Variants in MAN1C1 observed in about 807,000 individuals in gnomAD.
The protein encoded by MAN1C1 is mannosidase alpha class 1C member 1.
MAN1C1 carries 49 observed loss-of-function variants against 71.5 expected under a neutral mutation model. The observed-to-expected ratio is 0.69, with a 90% CI of 0.54 to 0.87. The LOEUF (loss-of-function observed/expected upper bound fraction) is 0.87. Ranked by LOEUF, MAN1C1 falls within the 40% of genes least tolerant of loss-of-function variation. The pLI is 0.00. For synonymous variants in MAN1C1, 352 were observed against 343.7 expected (o/e 1.02, Z -0.27); for missense variants, 743 against 835.0 (o/e 0.89, Z 1.36).
At chr1:25,658,375 T>C (rs2045798276) in intron 1 of MAN1C1, among the ~76,000 whole-genome samples, 1 of 152,154 alleles carries the variant, frequency 6.6e-6, no homozygotes, top group South Asian at 2.1e-4. Context: ...GGGAGGGGAC[T>C]CGAGGCTTCA....
chr1:25,647,029 A>G (rs74062322), intron 1 of MAN1C1, among the ~76,000 whole-genome samples: 13,230 of 152,156 alleles, frequency 0.087, 1,264 homozygotes, highest in East Asian at 0.22. Context: ...TACACTCTCA[A>G]TAGCAGTGTA....
At chr1:25,702,093 ATTAG>A (rs1381783296) in intron 2 of MAN1C1, among the ~76,000 whole-genome samples, 1 of 152,166 alleles carries the variant, frequency 6.6e-6, no homozygotes, top group Non-Finnish European at 1.5e-5. Context: ...GTAAAGCCAA[ATTAG>A]TTAGTTACAT....
At position 25,617,777 on chromosome 1, in the gene MAN1C1, G is replaced by A. The variant is rs762238419; in HGVS notation, c.-21G>A. ...ACGTGCCTGGACTCCGAGGGCTTCT[G>A]GAGCCACCGGCCGGGCCACGATGCT... On this transcript the variant is annotated 5_prime_UTR_variant, in exon 1 of 12. Coordinates refer to ENST00000374332, the MANE Select transcript of MAN1C1 (RefSeq NM_020379.4). The surrounding 1 kb of genome is among the most constrained non-coding windows in gnomAD (Gnocchi z 5.1). 1.3e-6 allele frequency: 2 copies of A among 1,569,832 alleles called. No homozygotes were observed. Among genetic ancestry groups the A allele is most frequent in the Non-Finnish European group, 1.7e-6 (2 of 1,162,516 alleles).
chr1:25,771,871 C>G, intron 8 of MAN1C1, 99 bp downstream of exon 8: 2 of 853,826 alleles, frequency 2.3e-6, no homozygotes, highest in Non-Finnish European at 3.9e-6. Flanking sequence ...CCAGATGGGC[C>G]GAGACTTGCT....
intron 7 of MAN1C1, among the ~76,000 whole-genome samples, chr1:25,765,402 C>T (rs1427291623): frequency 6.6e-6 from 1 of 152,208 alleles, no homozygotes; most frequent in Non-Finnish European, 1.5e-5. Context: ...CAAGACCTGG[C>T]AGAGCCCCCA....
Position 25,763,950 on chromosome 1 carries a change from G to A in MAN1C1, c.1124G>A (p.Ser375Asn). ...GLYPNFLSPVSGNWVQHHVSV... is the reference protein window; with the variant it reads ...GLYPNFLSPVNGNWVQHHVSV... ...TACCCCAACTTCCTCAGCCCAGTGAGTGGGAACTGGGTGCAACGTGAGTAC... is the reference window on the plus strand; with the variant it reads ...TACCCCAACTTCCTCAGCCCAGTGAATGGGAACTGGGTGCAACGTGAGTAC... Residue 375 changes from serine (S) to asparagine (N), a missense_variant, in exon 7 of 12, where the codon AGT (serine) becomes AAT (asparagine). By Grantham distance (46) the Ser-to-Asn change is conservative. Transcript: ENST00000374332. 1 of 1,613,732 alleles carries A rather than the reference G, an allele frequency of 6.2e-7. No homozygotes were observed. Among genetic ancestry groups the A allele is most frequent in the Non-Finnish European group, 8.5e-7 (1 of 1,179,828 alleles).
At chr1:25,723,557 C>A (rs1557779931) in intron 2 of MAN1C1, among the ~76,000 whole-genome samples, 1 of 152,172 alleles carries the variant, frequency 6.6e-6, no homozygotes, top group East Asian at 1.9e-4. Context: ...GTTGTTCTAT[C>A]TTTGTGGATT....
At chr1:25,748,230 G>A (rs1465267148) in intron 3 of MAN1C1, among the ~76,000 whole-genome samples, 8 of 152,136 alleles carry the variant, frequency 5.3e-5, no homozygotes, top group Admixed American at 6.5e-5. Context: ...ACTCGACCTC[G>A]AACCTTGACT....
chr1:25,698,327 C>CT (rs2046393300), intron 2 of MAN1C1, among the ~76,000 whole-genome samples: 1 of 152,194 alleles, frequency 6.6e-6, no homozygotes, highest in African/African-American at 2.4e-5. Flanking sequence ...CCACCACTAA[C>CT]TCACTGGGCA....
At chr1:25,743,432 G>A (rs1425722947) in intron 2 of MAN1C1, among the ~76,000 whole-genome samples, 1 of 152,174 alleles carries the variant, frequency 6.6e-6, no homozygotes, top group Non-Finnish European at 1.5e-5. Flanking sequence ...GTGGCTGCAG[G>A]TGCAAATAGG....
chr1:25,685,596 C>G (rs773100433), intron 1 of MAN1C1, among the ~76,000 whole-genome samples: 2 of 152,206 alleles, frequency 1.3e-5, no homozygotes, highest in African/African-American at 4.8e-5. Context: ...GCTGGCGTGA[C>G]GCTCCTGAGA....
chr1:25,781,339 G>C lies in MAN1C1; in HGVS notation c.1650+227G>C, dbSNP rs2047691838. 7 of 526,862 alleles carry C rather than the reference G, an allele frequency of 1.3e-5. No individual in the cohort carries two copies. In the East Asian group the frequency reaches 2.3e-4, roughly 17 times the overall value. The allele number at this position is 526,862 out of a possible 1,614,324, so 32.6% of individuals were successfully genotyped here. On this transcript the variant is annotated intron_variant, in intron 10 of 11. Coordinates refer to ENST00000374332, the MANE Select transcript of MAN1C1 (RefSeq NM_020379.4). ...AGGCCAGACTTGTGAAGAGGGTTCTGAGTGCCCATATCCTTGGGGCCTGGG... is the reference window on the plus strand; with the variant it reads ...AGGCCAGACTTGTGAAGAGGGTTCTCAGTGCCCATATCCTTGGGGCCTGGG...
At chr1:25,755,676 G>T (rs1266085446) in intron 5 of MAN1C1, among the ~76,000 whole-genome samples, 1 of 152,176 alleles carries the variant, frequency 6.6e-6, no homozygotes, top group Non-Finnish European at 1.5e-5. Flanking sequence ...CTTGCCTGAG[G>T]TCACACAGCA....
chr1:25,636,427 T>C (rs1206004790), intron 1 of MAN1C1, among the ~76,000 whole-genome samples: 1 of 152,174 alleles, frequency 6.6e-6, no homozygotes, highest in Non-Finnish European at 1.5e-5. Context: ...GGGTATTAAT[T>C]ATTAATATTC....
chr1:25,635,851 G>A (rs1214289850), intron 1 of MAN1C1, among the ~76,000 whole-genome samples: 1 of 152,064 alleles, frequency 6.6e-6, no homozygotes, highest in South Asian at 2.1e-4. Context: ...AATTTAGCTC[G>A]GCTACTGGGG....
chr1:25,679,949 AAATATAT>A lies in MAN1C1; in HGVS notation c.541-6489_541-6483del, dbSNP rs1334486643. On this transcript the variant is annotated intron_variant, in intron 1 of 11. Transcript: ENST00000374332. Reference sequence around the variant, plus strand: ...AAGACCTCTGTCTCAAAAAAAAAAAAAATATATATATATATATATATATATATATACA... The same window carrying A: ...AAGACCTCTGTCTCAAAAAAAAAAAAATATATATATATATATATATATACA... Among the ~76,000 whole-genome samples, 11 of 117,012 alleles carry A rather than the reference AAATATAT, an allele frequency of 9.4e-5. No individual in the cohort carries two copies. In the East Asian group the frequency reaches 1.2e-3, roughly 13 times the overall value. The allele number at this position is 117,012 out of a possible 152,430, so 76.8% of individuals were successfully genotyped here. A position where few individuals can be genotyped will look rare whatever the true frequency, so the allele number is the denominator to read the frequency against.
At chr1:25,668,967 C>T (rs951840120) in intron 1 of MAN1C1, among the ~76,000 whole-genome samples, 4 of 152,142 alleles carry the variant, frequency 2.6e-5, no homozygotes, top group Admixed American at 1.3e-4. Context: ...CTAGGCCTTT[C>T]TTTTATGGGG....
rs540220379 is a variant in MAN1C1, at chr1:25,779,050, C to T, written c.1477+726C>T. Reference sequence around the variant, plus strand: ...TTCTGATGCCTGGTTCCACCCCGTGCGCAAACTGCACCCCTCAGAAAAATC... The same window carrying T: ...TTCTGATGCCTGGTTCCACCCCGTGTGCAAACTGCACCCCTCAGAAAAATC... On this transcript the variant is annotated intron_variant, in intron 9 of 11. Transcript: ENST00000374332. The surrounding 1 kb of genome is among the most constrained non-coding windows in gnomAD (Gnocchi z 4.6). Among the ~76,000 whole-genome samples, 237 of 152,240 alleles carry T rather than the reference C, an allele frequency of 1.6e-3. 1 individual carries two copies. Among genetic ancestry groups the T allele is most frequent in the African/African-American group, 4.7e-3 (196 of 41,548 alleles).
chr1:25,629,833 G>A (rs761431554), intron 1 of MAN1C1, among the ~76,000 whole-genome samples: 17 of 151,520 alleles, frequency 1.1e-4, no homozygotes, highest in Non-Finnish European at 2.2e-4. Context: ...CCCATTATGT[G>A]CATTGTCTTT....
Sources: gnomAD v4.1 joint callset for allele counts (sites outside exome capture counted in the v4.1 genomes callset) on GRCh38, gnomAD v4.1.1 for gene constraint, Gnocchi (gnomAD v3.1) non-coding constraint, MANE v1.5 for transcripts, NCBI Gene and HGNC (gene_info 2026-07-23, HGNC 2026-07-21) for gene names.